Variants in NCAM2 observed in about 807,000 individuals in gnomAD.
NCAM2 encodes neural cell adhesion molecule 2, also known as N-CAM-2.
In NCAM2, 30 loss-of-function variants were observed where a neutral mutation model predicts 98.1. That is an observed-to-expected ratio of 0.31 (90% CI 0.23 to 0.41). The LOEUF is 0.41. Among genes scored for constraint, NCAM2 ranks in the 10% least tolerant of loss-of-function variants. The probability of loss-of-function intolerance (pLI) is 1.00; values close to 1 mark genes in which losing one functional copy is unlikely to be tolerated. For missense variants in NCAM2, 867 were observed against 1,005.8 expected (o/e 0.86, Z 1.87); for synonymous variants, 368 against 342.4 (o/e 1.07, Z -0.83).
At chr21:21,211,302 A>T (rs2069652916) in intron 1 of NCAM2, among the ~76,000 whole-genome samples, 1 of 152,148 alleles carries the variant, frequency 6.6e-6, no homozygotes, top group Non-Finnish European at 1.5e-5. Context: ...GAAACAAAAT[A>T]CTGTGGTATT....
At chr21:21,061,660 G>T (rs997344390) in intron 1 of NCAM2, among the ~76,000 whole-genome samples, 2 of 152,054 alleles carry the variant, frequency 1.3e-5, no homozygotes, top group Admixed American at 6.6e-5. Flanking sequence ...CAAAATAATA[G>T]AAATCAAGTC....
intron 1 of NCAM2, among the ~76,000 whole-genome samples, chr21:21,079,348 C>A (rs115818276): frequency 4.9e-4 from 75 of 152,094 alleles, no homozygotes; most frequent in African/African-American, 1.7e-3. Flanking sequence ...AATAAGACAC[C>A]TCTATGAGTG....
intron 1 of NCAM2, among the ~76,000 whole-genome samples, chr21:21,258,193 CT>C (rs2071750327): frequency 1.3e-5 from 2 of 152,092 alleles, no homozygotes; most frequent in African/African-American, 4.8e-5. Context: ...GAATTTTCTA[CT>C]TTAAAGTATA....
chr21:21,115,974 TGTGTGTGTG>T (rs2066546730), intron 1 of NCAM2, among the ~76,000 whole-genome samples: 1 of 138,058 alleles, frequency 7.2e-6, no homozygotes, highest in Non-Finnish European at 1.5e-5. Flanking sequence ...TGTGTGTGTG[TGTGTGTGTG>T]TGTGTGTGTC....
intron 1 of NCAM2, among the ~76,000 whole-genome samples, chr21:21,135,006 G>A (rs559649594): frequency 1.9e-4 from 28 of 151,078 alleles, no homozygotes; most frequent in Admixed American, 5.3e-4. Context: ...AGGCCGAGGC[G>A]GGCAGATCAC....
chr21:21,469,137 G>A (rs116100041), intron 14 of NCAM2, among the ~76,000 whole-genome samples: 4,758 of 151,936 alleles, frequency 0.031, 262 homozygotes, highest in African/African-American at 0.11. Context: ...CATATGTTAG[G>A]TAATATTATT....
At chr21:21,199,177 C>T (rs945785881) in intron 1 of NCAM2, among the ~76,000 whole-genome samples, 1 of 152,098 alleles carries the variant, frequency 6.6e-6, no homozygotes. Flanking sequence ...TCTAATATCT[C>T]CAGGATATTT....
intron 14 of NCAM2, among the ~76,000 whole-genome samples, chr21:21,475,685 A>G (rs752044594): frequency 9.2e-5 from 14 of 152,206 alleles, no homozygotes; most frequent in Non-Finnish European, 2.1e-4. Flanking sequence ...TTATAAAAAC[A>G]GATATTCCTG....
In NCAM2 at chr21:21,541,342, T is replaced by C. The variant is rs1443823603; in HGVS notation, c.*3385T>C. 1 of 151,672 alleles carries C rather than the reference T, an allele frequency of 6.6e-6. No individual in the cohort carries two copies. The highest frequency in any genetic ancestry group is 3.4e-3 in the Middle Eastern group (1 of 292). The allele number at this position is 151,672 out of a possible 1,614,324, so 9.4% of individuals were successfully genotyped here. A position where few individuals can be genotyped will look rare whatever the true frequency, so the allele number is the denominator to read the frequency against. On this transcript the variant is annotated 3_prime_UTR_variant, in exon 18 of 18. Transcript: ENST00000400546. ...GTCTTATTTACAGTCAGTAATTAAGTTCAATTCAAACTATTTTACCTTGAA... is the reference window on the plus strand; with the variant it reads ...GTCTTATTTACAGTCAGTAATTAAGCTCAATTCAAACTATTTTACCTTGAA...
intron 1 of NCAM2, among the ~76,000 whole-genome samples, chr21:21,050,481 AT>A (rs968824327): frequency 3.4e-4 from 52 of 152,090 alleles, no homozygotes; most frequent in African/African-American, 1.2e-3. Flanking sequence ...TTGTTGACCC[AT>A]TTTTTTTCCT....
chr21:21,467,269 CTT>C (rs1872873464), intron 13 of NCAM2, among the ~76,000 whole-genome samples: 1 of 150,938 alleles, frequency 6.6e-6, no homozygotes, highest in Admixed American at 6.6e-5. Context: ...TTTTAAAAGA[CTT>C]AACATTTCCT....
chr21:21,103,170 T>A (rs1034071058), intron 1 of NCAM2, among the ~76,000 whole-genome samples: 1 of 151,922 alleles, frequency 6.6e-6, no homozygotes, highest in Non-Finnish European at 1.5e-5. Context: ...GGGGGTGAAA[T>A]CTCCCAAGGA....
chr21:21,089,435 A>C (rs2065969155), intron 1 of NCAM2, among the ~76,000 whole-genome samples: 1 of 152,218 alleles, frequency 6.6e-6, no homozygotes, highest in South Asian at 2.1e-4. Context: ...CAAACCCACA[A>C]TACAAAAAAT....
In NCAM2 at chr21:21,259,919, AACAC is replaced by A. The variant is rs10618210; in HGVS notation, c.56-20615_56-20612del. Among the ~76,000 whole-genome samples the A allele has an allele frequency of 9.7e-3, 1,378 of 142,058 alleles. 18 individuals are homozygous for A. The highest frequency in any genetic ancestry group is 0.021 in the African/African-American group (797 of 37,592). The allele number at this position is 142,058 out of a possible 152,430, so 93.2% of individuals were successfully genotyped here. A position where few individuals can be genotyped will look rare whatever the true frequency, so the allele number is the denominator to read the frequency against. ...TTACATCCAAATAAAAATAAGAAGCAACACACACACACACACACACACACACACA... is the reference window on the plus strand; with the variant it reads ...TTACATCCAAATAAAAATAAGAAGCAACACACACACACACACACACACACA... On this transcript the variant is annotated intron_variant, in intron 1 of 17. Coordinates refer to ENST00000400546, the MANE Select transcript of NCAM2 (RefSeq NM_004540.5).
chr21:21,224,916 G>A (rs940839276), intron 1 of NCAM2, among the ~76,000 whole-genome samples: 11 of 152,132 alleles, frequency 7.2e-5, no homozygotes, highest in African/African-American at 2.7e-4. Context: ...AGAATGGCAT[G>A]TATGAAATGT....
intron 9 of NCAM2, among the ~76,000 whole-genome samples, chr21:21,400,057 G>T (rs557724815): frequency 6.6e-6 from 1 of 152,098 alleles, no homozygotes; most frequent in Non-Finnish European, 1.5e-5. Context: ...GTATAACTTG[G>T]TACCAAGTCC....
At chr21:21,173,643 T>C (rs533446590) in intron 1 of NCAM2, among the ~76,000 whole-genome samples, 2 of 152,284 alleles carry the variant, frequency 1.3e-5, no homozygotes, top group Admixed American at 6.5e-5. Context: ...AAAACCTCTT[T>C]TGAGAGAGGC....
At chr21:21,193,474 A>G (rs897950344) in intron 1 of NCAM2, among the ~76,000 whole-genome samples, 10 of 150,576 alleles carry the variant, frequency 6.6e-5, no homozygotes, top group African/African-American at 2.2e-4. Context: ...ATGTGAGAAT[A>G]TAGGAGTAGT....
intron 1 of NCAM2, among the ~76,000 whole-genome samples, chr21:21,245,449 T>C (rs1442365734): frequency 6.6e-6 from 1 of 152,224 alleles, no homozygotes; most frequent in Non-Finnish European, 1.5e-5. Context: ...CAGTTTTCGC[T>C]GTCCTTGGAT....
Sources: allele counts gnomAD v4.1 joint callset (sites outside exome capture counted in the v4.1 genomes callset), GRCh38; gene constraint gnomAD v4.1.1; transcripts MANE v1.5; gene names NCBI Gene and HGNC (gene_info 2026-07-23, HGNC 2026-07-21).